Variants in RASA1 observed in about 807,000 individuals in gnomAD.
RASA1 encodes RAS p21 protein activator 1, also known as ras GTPase-activating protein 1.
A neutral mutation model predicts 132.2 loss-of-function variants in RASA1; 25 were observed. The ratio of observed to expected loss-of-function variants is 0.19; its 90% CI spans 0.14 to 0.26. RASA1 has a LOEUF of 0.26. Ranked by LOEUF, RASA1 falls within the 10% of genes least tolerant of loss-of-function variation. RASA1 has a pLI of 1.00. For synonymous variants in RASA1, 477 were observed against 449.9 expected, an observed-to-expected ratio of 1.06 and a Z score of -0.76; for missense variants, 964 against 1,299.2, an observed-to-expected ratio of 0.74 and a Z score of 3.97.
At chr5:87,326,076 A>G (rs1580267169) in intron 1 of RASA1, among the ~76,000 whole-genome samples, 1 of 152,028 alleles carries the variant, frequency 6.6e-6, no homozygotes, top group Non-Finnish European at 1.5e-5. Context: ...GGCTTAAGCT[A>G]TCCTCCCATC....
At chr5:87,295,803 C>T (rs781294480) in intron 1 of RASA1, among the ~76,000 whole-genome samples, 5 of 151,722 alleles carry the variant, frequency 3.3e-5, no homozygotes, top group Admixed American at 6.6e-5. Flanking sequence ...TGAGCCACCA[C>T]GCCTGTCCTC....
rs947225454 is a variant in RASA1 at position 87,371,125 on chromosome 5, A to G, written c.1699-993A>G. Among the ~76,000 whole-genome samples the G allele has an allele frequency of 2.6e-5, 4 of 152,248 alleles. No homozygotes were observed. The South Asian group carries it at 8.3e-4, about 32-fold the overall frequency. ...ACCATGGTCCCTCTTTCTGAATAAA[A>G]TGTCACATACCATAATGACATTTCA... is the stretch of plus-strand genomic sequence containing the variant. On this transcript the variant is annotated intron_variant, in intron 12 of 24. Coordinates refer to ENST00000274376, the MANE Select transcript of RASA1 (RefSeq NM_002890.3).
chr5:87,310,358 C>T (rs1480146942), intron 1 of RASA1, among the ~76,000 whole-genome samples: 1 of 152,028 alleles, frequency 6.6e-6, no homozygotes, highest in Admixed American at 6.6e-5. Context: ...AGGAAAGATG[C>T]AAAGCTAGTA....
chr5:87,385,216 A>G, intron 21 of RASA1, 85 bp from the exon 22 acceptor site: 1 of 889,638 alleles, frequency 1.1e-6, no homozygotes, highest in Non-Finnish European at 1.9e-6. Context: ...AACAGTAAAG[A>G]AATATTAAAG....
chr5:87,388,103 C>T (rs935226807), intron 23 of RASA1, among the ~76,000 whole-genome samples: 1 of 152,102 alleles, frequency 6.6e-6, no homozygotes, highest in African/African-American at 2.4e-5. Flanking sequence ...CCTAAGCATC[C>T]CCTGTGTATC....
chr5:87,372,221 T>C, intron 13 of RASA1, 26 bp downstream of exon 13: 1 of 1,594,098 alleles, frequency 6.3e-7, no homozygotes, highest in Non-Finnish European at 8.6e-7. Context: ...CTTGGATTTT[T>C]AATTGTCACA....
intron 1 of RASA1, among the ~76,000 whole-genome samples, chr5:87,282,190 T>A (rs941026135): frequency 5.3e-5 from 8 of 152,204 alleles, no homozygotes; most frequent in Non-Finnish European, 1.0e-4. Context: ...TTTTTCTTCT[T>A]TCTTGGTGTT....
chr5:87,343,218 G>A (rs1210320815), intron 6 of RASA1, among the ~76,000 whole-genome samples: 2 of 151,930 alleles, frequency 1.3e-5, no homozygotes, highest in Non-Finnish European at 2.9e-5. Flanking sequence ...ACATGATATG[G>A]GCACCAAGTC....
At chr5:87,368,615 T>C (rs754824592) in intron 11 of RASA1, among the ~76,000 whole-genome samples, 2 of 152,192 alleles carry the variant, frequency 1.3e-5, no homozygotes, top group Non-Finnish European at 2.9e-5. Flanking sequence ...TTTGCCCTTA[T>C]CATGAAGGCA....
chr5:87,322,654 T>G (rs1756915802), intron 1 of RASA1, among the ~76,000 whole-genome samples: 1 of 152,184 alleles, frequency 6.6e-6, no homozygotes, highest in African/African-American at 2.4e-5. Flanking sequence ...CCATGCTTCC[T>G]CTATAGTCCT....
Position 87,299,602 on chromosome 5 carries a change from C to T in RASA1, c.539+30612C>T, listed in dbSNP as rs181646693. On this transcript the variant is annotated intron_variant, in intron 1 of 24. Coordinates refer to ENST00000274376, the MANE Select transcript of RASA1 (RefSeq NM_002890.3). ...CATATATGTAGTGAAGTAATTACTACAGTCAAGTAAATTAACATATCCCGC... is the reference window on the plus strand; with the variant it reads ...CATATATGTAGTGAAGTAATTACTATAGTCAAGTAAATTAACATATCCCGC... 4 of 152,038 alleles carry T rather than the reference C, an allele frequency of 2.6e-5. No homozygotes were observed. In the East Asian group the frequency reaches 7.7e-4, roughly 29 times the overall value. 9.4% of individuals were successfully genotyped at this position (152,038 alleles called of 1,614,324 possible).
intron 17 of RASA1, 142 bp downstream of exon 17, chr5:87,377,182 G>A: frequency 9.3e-7 from 1 of 1,078,164 alleles, no homozygotes; most frequent in Non-Finnish European, 1.4e-6. Context: ...CTTAAAAATT[G>A]CAGTTGGATG....
chr5:87,284,617 G>A (rs1754462451), intron 1 of RASA1, among the ~76,000 whole-genome samples: 1 of 152,200 alleles, frequency 6.6e-6, no homozygotes, highest in Non-Finnish European at 1.5e-5. Context: ...TGAAATTTCA[G>A]TTAGATTTAG....
At chr5:87,379,606 A>G (rs1434090227) in intron 18 of RASA1, 129 bp from the exon 19 acceptor site, 1 of 1,299,890 alleles carries the variant, frequency 7.7e-7, no homozygotes. Flanking sequence ...TATACAAAGA[A>G]AAAAGATCAA....
intron 7 of RASA1, among the ~76,000 whole-genome samples, chr5:87,348,234 T>A (rs901783084): frequency 6.6e-6 from 1 of 152,044 alleles, no homozygotes; most frequent in Non-Finnish European, 1.5e-5. Flanking sequence ...TTTTTTCTTT[T>A]TACTGAACAT....
chr5:87,374,073 G>T, intron 13 of RASA1, 90 bp from the exon 14 acceptor site: 1 of 1,108,952 alleles, frequency 9.0e-7, no homozygotes, highest in Non-Finnish European at 1.1e-6. Flanking sequence ...CATTATTTTT[G>T]GCTTTGTATC....
chr5:87,324,677 T>TCTAGTTATCTGGTTATATACAAATATAC lies in RASA1; in HGVS notation c.540-6669_540-6642dup, dbSNP rs1757091029. 3.3e-5 allele frequency among the ~76,000 whole-genome samples: 5 copies of TCTAGTTATCTGGTTATATACAAATATAC among 152,160 alleles called. No individual in the cohort carries two copies. In the South Asian group the frequency reaches 1.0e-3, roughly 31 times the overall value. ...TGTGCACACACACATACATATGCAC[T>TCTAGTTATCTGGTTATATACAAATATAC]CTAGTTATCTGGTTATATACAAATA... On this transcript the variant is annotated intron_variant, in intron 1 of 24. Transcript: ENST00000274376.
intron 6 of RASA1, among the ~76,000 whole-genome samples, chr5:87,342,597 A>G (rs996806749): frequency 6.6e-6 from 1 of 152,190 alleles, no homozygotes; most frequent in African/African-American, 2.4e-5. Flanking sequence ...GTTGCTAGAG[A>G]TCAAGGTACA....
intron 9 of RASA1, 32 bp downstream of exon 9, chr5:87,353,267 G>A: frequency 6.6e-7 from 1 of 1,518,092 alleles, no homozygotes; most frequent in Non-Finnish European, 9.1e-7. Context: ...GCAATAATTA[G>A]CATTTTATTT....
Sources: allele counts gnomAD v4.1 joint callset (sites outside exome capture counted in the v4.1 genomes callset), GRCh38; gene constraint gnomAD v4.1.1; transcripts MANE v1.5; gene names NCBI Gene and HGNC (gene_info 2026-07-23, HGNC 2026-07-21).